The following RELCH variants were observed in gnomAD, a reference collection of about 807,000 sequenced individuals.
RELCH encodes the protein RAB11-binding protein RELCH.
Under a neutral mutation model 150.3 loss-of-function variants are expected in RELCH, and 41 were observed. The ratio of observed to expected loss-of-function variants is 0.27; its 90% confidence interval spans 0.21 to 0.35. The LOEUF is 0.35. Among genes scored for constraint, RELCH ranks in the 10% least tolerant of loss-of-function variants. The pLI, the probability that RELCH is intolerant of heterozygous loss-of-function variation, is 1.00. For synonymous variants in RELCH, 478 were observed against 531.8 expected (o/e 0.90, Z 1.39); for missense variants, 1,092 against 1,467.8 (o/e 0.74, Z 4.18).
chr18:62,221,047 T>G lies in RELCH; in HGVS notation c.627T>G (p.Phe209Leu). 1.2e-6 allele frequency: 2 copies of G among 1,613,310 alleles called. No homozygotes were observed. Among genetic ancestry groups the G allele is most frequent in the Non-Finnish European group, 1.7e-6 (2 of 1,179,474 alleles). ...CAAATCCCTGTCCAGTCCTGGAGTT[T>G]GAACTACGGAAAGCCAAGGAGACCA... ...ETDEKVAVLEFELRKAKETIQ... is the reference protein window; with the variant it reads ...ETDEKVAVLELELRKAKETIQ... The change falls in exon 3 of 29, where the codon TTT becomes TTG. Residue 209 changes from phenylalanine to leucine, a missense_variant. By Grantham distance (22) the Phe-to-Leu change is conservative (BLOSUM62 0). Coordinates refer to ENST00000644646, the MANE Select transcript of RELCH (RefSeq NM_001346231.2).
intron 22 of RELCH, among the ~76,000 whole-genome samples, chr18:62,277,089 G>A (rs1417111766): frequency 1.3e-5 from 2 of 152,048 alleles, no homozygotes; most frequent in African/African-American, 4.8e-5. Context: ...TAAAATGTGA[G>A]TGTGCACTGG....
chr18:62,292,405 G>A (rs1386485423), intron 27 of RELCH, among the ~76,000 whole-genome samples: 1 of 151,988 alleles, frequency 6.6e-6, no homozygotes, highest in African/African-American at 2.4e-5. Context: ...TCTCTAGTCA[G>A]TTCTTCCCAA....
At position 62,255,467 on chromosome 18, in the gene RELCH, C is replaced by T; in HGVS notation, c.1885C>T (p.Pro629Ser). ...GGCAGAATCCTGTGGAGCACTGGCA[C>T]CTTACCTTCCTGTAAGATTGTCTTT... The part of the protein sequence containing the change: ...LVAESCGALA[P>S]YLPKEIRSSL... Residue 629 changes from proline to serine, a missense_variant, in exon 13 of 29, where the codon CCT (proline) becomes TCT (serine). Transcript: ENST00000644646. 1.3e-6 allele frequency: 2 copies of T among 1,591,454 alleles called. No individual in the cohort carries two copies. The highest frequency in any genetic ancestry group is 1.2e-5 in the South Asian group (1 of 86,092).
chr18:62,241,677 C>G (rs1174805539), intron 10 of RELCH, among the ~76,000 whole-genome samples: 1 of 151,894 alleles, frequency 6.6e-6, no homozygotes, highest in Non-Finnish European at 1.5e-5. Context: ...ATGCTGTATT[C>G]AGAATTATAA....
chr18:62,228,262 A>G, intron 7 of RELCH, 43 bp from the exon 8 acceptor site: 1 of 1,485,808 alleles, frequency 6.7e-7, no homozygotes, highest in Non-Finnish European at 9.1e-7. Flanking sequence ...TTTCAAAAAT[A>G]CAGTTGTCCT....
chr18:62,310,005 A>T lies in RELCH; in HGVS notation c.*4471A>T, dbSNP rs1349606100. ...TAATTGTTGGCATTTTAAACCTTAGATATTTTCAGGACATGCATCTTCAAT... is the reference window on the plus strand; with the variant it reads ...TAATTGTTGGCATTTTAAACCTTAGTTATTTTCAGGACATGCATCTTCAAT... On this transcript the variant is annotated 3_prime_UTR_variant, in exon 29 of 29. Coordinates refer to ENST00000644646, the MANE Select transcript of RELCH (RefSeq NM_001346231.2). The T allele has an allele frequency of 6.6e-6, 1 of 152,200 alleles. No individual in the cohort carries two copies. 9.4% of individuals were successfully genotyped at this position (152,200 alleles called of 1,614,324 possible). A position where few individuals can be genotyped will look rare whatever the true frequency, so the allele number is the denominator to read the frequency against.
chr18:62,213,964 A>G (rs1326592383), intron 2 of RELCH, among the ~76,000 whole-genome samples: 1 of 151,994 alleles, frequency 6.6e-6, no homozygotes, highest in Admixed American at 6.6e-5. Flanking sequence ...GGACCTGGAT[A>G]AGCCTCAGAT....
At chr18:62,200,361 G>T (rs1235817996) in intron 1 of RELCH, among the ~76,000 whole-genome samples, 1 of 152,170 alleles carries the variant, frequency 6.6e-6, no homozygotes, top group Non-Finnish European at 1.5e-5. Context: ...CTATGGCTTA[G>T]TAAATACTGC....
intron 22 of RELCH, among the ~76,000 whole-genome samples, chr18:62,279,494 T>C (rs924484539): frequency 6.6e-6 from 1 of 152,202 alleles, no homozygotes; most frequent in Non-Finnish European, 1.5e-5. Context: ...TTGATGGACA[T>C]TGAAATTGCT....
In RELCH at chr18:62,306,099, A is replaced by G. The variant is rs1048332878; in HGVS notation, c.*565A>G. The G allele has an allele frequency of 6.6e-6, 1 of 152,590 alleles. No individual in the cohort carries two copies. Among genetic ancestry groups the G allele is most frequent in the Non-Finnish European group, 1.5e-5 (1 of 68,028 alleles). The allele number at this position is 152,590 out of a possible 1,614,324, so 9.5% of individuals were successfully genotyped here. ...TCCATTCACACAGTATTTCTTTAGGATGCTGTGATGATTTGAATTACAAAT... is the reference window on the plus strand; with the variant it reads ...TCCATTCACACAGTATTTCTTTAGGGTGCTGTGATGATTTGAATTACAAAT... On this transcript the variant is annotated 3_prime_UTR_variant, in exon 29 of 29. Coordinates refer to ENST00000644646, the MANE Select transcript of RELCH (RefSeq NM_001346231.2).
At chr18:62,228,230 C>T (rs1425438650) in intron 7 of RELCH, 75 bp from the exon 8 acceptor site, 1 of 1,131,784 alleles carries the variant, frequency 8.8e-7, no homozygotes, top group African/African-American at 1.6e-5. Flanking sequence ...AACATTAAAC[C>T]CATTATGAGA....
chr18:62,207,119 C>A (rs2039850717), intron 1 of RELCH, among the ~76,000 whole-genome samples: 1 of 152,128 alleles, frequency 6.6e-6, no homozygotes, highest in Non-Finnish European at 1.5e-5. Flanking sequence ...CAAAACAAAT[C>A]TCTTATCCAT....
At chr18:62,278,050 A>T (rs1296975890) in intron 22 of RELCH, 1 of 155,100 alleles carries the variant, frequency 6.4e-6, no homozygotes, top group Non-Finnish European at 1.4e-5. Flanking sequence ...TACTTCATCA[A>T]GTGAAAAGAT....
chr18:62,291,583 T>C lies in RELCH; in HGVS notation c.3411T>C (p.Gly1137=). The C allele has an allele frequency of 6.2e-7, 1 of 1,610,912 alleles. No homozygotes were observed. The highest frequency in any genetic ancestry group is 8.5e-7 in the Non-Finnish European group (1 of 1,178,438). The change falls in exon 27 of 29, where the codon GGT becomes GGC. Residue 1137 remains glycine, a synonymous_variant. Transcript: ENST00000644646. ...TAATGGTTAATCACTTTTTACCTGG[T>C]CTCAGATGTTTACGGACTGACATGG... ...EDLMVNHFLP[G]LRCLRTDMEH... is the part of the protein sequence containing the mutation.
chr18:62,260,439 A>G (rs1176159560), intron 15 of RELCH, among the ~76,000 whole-genome samples: 1 of 151,542 alleles, frequency 6.6e-6, no homozygotes, highest in Non-Finnish European at 1.5e-5. Flanking sequence ...CACTGTTGGT[A>G]GGAATGTAAA....
rs1428032320 is a variant in RELCH, at chr18:62,307,108, T to C, written c.*1574T>C. The C allele has an allele frequency of 6.6e-6, 1 of 152,260 alleles. No individual in the cohort carries two copies. The highest frequency in any genetic ancestry group is 2.4e-5 in the African/African-American group (1 of 41,474). The allele number at this position is 152,260 out of a possible 1,614,324, so 9.4% of individuals were successfully genotyped here. A position where few individuals can be genotyped will look rare whatever the true frequency, so the allele number is the denominator to read the frequency against. On this transcript the variant is annotated 3_prime_UTR_variant, in exon 29 of 29. Coordinates refer to ENST00000644646, the MANE Select transcript of RELCH (RefSeq NM_001346231.2). ...TGATCTATTATAAATAAAATGTTTT[T>C]GCATATGTTTTTGATTTGGTTTGGG...
Position 62,232,399 on chromosome 18 carries a change from TTCCCAATG to T in RELCH, c.1594_1601del (p.Pro532AlafsTer21). The T allele has an allele frequency of 6.2e-7, 1 of 1,609,908 alleles. No homozygotes were observed. Among genetic ancestry groups the T allele is most frequent in the Non-Finnish European group, 8.5e-7 (1 of 1,176,696 alleles). On this transcript the variant is annotated frameshift_variant, in exon 10 of 29. Transcript: ENST00000644646. LOFTEE classifies it high-confidence loss of function. ...CTGGGACGCTGCCTGCCACACATTGTTCCCAATGTGCTATTGGCAAAGAGAGAGGTAAG... is the reference window on the plus strand; with the variant it reads ...CTGGGACGCTGCCTGCCACACATTGTTGCTATTGGCAAAGAGAGAGGTAAG...
intron 28 of RELCH, 72 bp downstream of exon 28, chr18:62,298,932 G>A: frequency 2.5e-6 from 2 of 797,242 alleles, no homozygotes; most frequent in East Asian, 2.5e-5. Context: ...CTGTCAATCA[G>A]TGTAATGTGT....
At chr18:62,224,602 A>G (rs2041096633) in intron 5 of RELCH, among the ~76,000 whole-genome samples, 1 of 152,158 alleles carries the variant, frequency 6.6e-6, no homozygotes, top group African/African-American at 2.4e-5. Context: ...ACAAAAACCT[A>G]TCATATGTTA....
Sources: gnomAD v4.1 joint callset for allele counts (sites outside exome capture counted in the v4.1 genomes callset) on GRCh38, gnomAD v4.1.1 for gene constraint, MANE v1.5 for transcripts, NCBI Gene and HGNC (gene_info 2026-07-23, HGNC 2026-07-21) for gene names.